The following DGKB variants were observed in gnomAD, a reference collection of about 807,000 sequenced individuals.
DGKB encodes diacylglycerol kinase beta.
In DGKB, 67 loss-of-function variants were observed where a neutral mutation model predicts 114.3. That is an observed-to-expected ratio of 0.59 (90% CI 0.48 to 0.72). DGKB has a LOEUF of 0.72. DGKB is among the 30% of genes least tolerant of loss of function. DGKB has a pLI of 0.00. For synonymous variants in DGKB, 398 were observed against 323.1 expected (o/e 1.23, Z -2.49); for missense variants, 907 against 975.2 (o/e 0.93, Z 0.93).
intron 5 of DGKB, among the ~76,000 whole-genome samples, chr7:14,722,744 G>A (rs958026495): frequency 3.3e-5 from 5 of 151,990 alleles, no homozygotes; most frequent in Non-Finnish European, 5.9e-5. Context: ...CCCAGGAGGT[G>A]GAGGTTGCAG....
rs1196002505 is a variant in DGKB at position 14,148,825 on chromosome 7, G to T, written c.*306C>A. 4.7e-5 allele frequency: 18 copies of T among 381,840 alleles called. No homozygotes were observed. Among genetic ancestry groups the T allele is most frequent in the Non-Finnish European group, 8.1e-5 (17 of 209,802 alleles). 23.7% of individuals were successfully genotyped at this position (381,840 alleles called of 1,614,324 possible). ...CATGTTTCACGGGTTTTTCTCACAG[G>T]TTAGTAAAAGGAAATTGGGGAAGAG... On this transcript the variant is annotated 3_prime_UTR_variant, in exon 26 of 26. Transcript: ENST00000402815.
chr7:14,794,543 G>C (rs895844510), intron 2 of DGKB, among the ~76,000 whole-genome samples: 10 of 152,108 alleles, frequency 6.6e-5, no homozygotes, highest in African/African-American at 2.4e-4. Flanking sequence ...TGAATTCCCA[G>C]CTCAAGTGCT....
chr7:14,810,311 A>G (rs1312694523), intron 2 of DGKB, among the ~76,000 whole-genome samples: 1 of 152,126 alleles, frequency 6.6e-6, no homozygotes, highest in African/African-American at 2.4e-5. Flanking sequence ...CAATTAATCT[A>G]TACCCAGACT....
chr7:14,645,489 G>A (rs1040069771), intron 13 of DGKB, among the ~76,000 whole-genome samples: 1 of 151,982 alleles, frequency 6.6e-6, no homozygotes, highest in African/African-American at 2.4e-5. Context: ...AAGAGCCACT[G>A]GGTGCCCTTT....
intron 4 of DGKB, among the ~76,000 whole-genome samples, chr7:14,747,775 G>GCGCGCGCGCGCGCGCGCACACACACACA: frequency 2.1e-4 from 31 of 149,176 alleles, no homozygotes; most frequent in African/African-American, 7.3e-4. Context: ...ACATCCACGC[G>GCGCGCGCGCGCGCGCGCACACACACACA]CACGCACACA....
In DGKB at chr7:14,572,198, A is replaced by G. The variant is rs188660802; in HGVS notation, c.1770+2014T>C. Among the ~76,000 whole-genome samples the G allele has an allele frequency of 4.8e-3, 733 of 152,122 alleles. 9 individuals carry two copies. Among genetic ancestry groups the G allele is most frequent in the African/African-American group, 0.017 (698 of 41,486 alleles). On this transcript the variant is annotated intron_variant, in intron 20 of 25. Coordinates refer to ENST00000402815, the MANE Select transcript of DGKB (RefSeq NM_001350709.2). The stretch of plus-strand genomic sequence containing the variant: ...GCCGGGCGCGGTAGCTCATGCCTGT[A>G]ATCCCAGCACTTTGGGAGGCCGAGG...
chr7:14,526,155 T>G (rs1181325721), intron 20 of DGKB, among the ~76,000 whole-genome samples: 1 of 152,192 alleles, frequency 6.6e-6, no homozygotes, highest in African/African-American at 2.4e-5. Context: ...TGTGATTAAT[T>G]ATATACTATC....
At chr7:14,770,392 CTCT>C (rs1282643518) in intron 2 of DGKB, among the ~76,000 whole-genome samples, 1 of 152,056 alleles carries the variant, frequency 6.6e-6, no homozygotes, top group East Asian at 1.9e-4. Flanking sequence ...TGTTGGGATT[CTCT>C]GTTATAAAGA....
chr7:14,418,218 T>TAAA (rs1554420806), intron 21 of DGKB, among the ~76,000 whole-genome samples: 6 of 142,458 alleles, frequency 4.2e-5, no homozygotes, highest in African/African-American at 1.5e-4. Context: ...AATGTATATA[T>TAAA]TATATATGTA....
chr7:14,299,551 C>A (rs1490941078), intron 23 of DGKB, among the ~76,000 whole-genome samples: 2 of 152,132 alleles, frequency 1.3e-5, no homozygotes, highest in Non-Finnish European at 2.9e-5. Context: ...TGCAGACCAA[C>A]AAGAACAATA....
chr7:14,456,163 G>C (rs1293424246), intron 21 of DGKB, among the ~76,000 whole-genome samples: 3 of 151,934 alleles, frequency 2.0e-5, no homozygotes, highest in Non-Finnish European at 4.4e-5. Context: ...TGTGTATAAG[G>C]TATATATGAA....
chr7:14,970,105 G>C (rs1457567897), intron 1 of DGKB, among the ~76,000 whole-genome samples: 7 of 152,022 alleles, frequency 4.6e-5, no homozygotes, highest in Admixed American at 4.6e-4. Context: ...ACATGGGTTG[G>C]GCTTAATTAA....
intron 13 of DGKB, among the ~76,000 whole-genome samples, chr7:14,634,798 T>G (rs1810427501): frequency 6.6e-6 from 1 of 151,674 alleles, no homozygotes; most frequent in African/African-American, 2.4e-5. Context: ...TTCCATGTTT[T>G]TTTTATATTT....
chr7:14,319,732 A>T (rs1374139850), intron 23 of DGKB, among the ~76,000 whole-genome samples: 1 of 152,202 alleles, frequency 6.6e-6, no homozygotes, highest in Non-Finnish European at 1.5e-5. Flanking sequence ...TCCTCTAAAG[A>T]GTCAATTCAT....
chr7:14,485,955 A>G (rs1040492364), intron 20 of DGKB, among the ~76,000 whole-genome samples: 4 of 152,246 alleles, frequency 2.6e-5, no homozygotes, highest in African/African-American at 9.6e-5. Flanking sequence ...GCAGGTTCCA[A>G]GTGAATTATT....
At chr7:14,620,854 TGA>T (rs1294663021) in intron 15 of DGKB, among the ~76,000 whole-genome samples, 1 of 151,758 alleles carries the variant, frequency 6.6e-6, no homozygotes, top group African/African-American at 2.4e-5. Context: ...GATATATATT[TGA>T]GGTTTAAATT....
chr7:14,284,812 G>T (rs1270635599), intron 23 of DGKB, among the ~76,000 whole-genome samples: 1 of 145,568 alleles, frequency 6.9e-6, no homozygotes, highest in Non-Finnish European at 1.5e-5. Flanking sequence ...ATTGAACAAT[G>T]AGATTGCATG....
At chr7:14,740,703 T>G (rs138032974) in intron 4 of DGKB, among the ~76,000 whole-genome samples, 1 of 152,168 alleles carries the variant, frequency 6.6e-6, no homozygotes, top group African/African-American at 2.4e-5. Flanking sequence ...CATACTAGTA[T>G]CCATGGCATA....
At chr7:14,846,480 A>C (rs2128148801) in intron 1 of DGKB, among the ~76,000 whole-genome samples, 1 of 152,388 alleles carries the variant, frequency 6.6e-6, no homozygotes, top group African/African-American at 2.4e-5. Flanking sequence ...ACAGAGGCAC[A>C]GCTATATCTC....
Sources: allele counts gnomAD v4.1 joint callset (sites outside exome capture counted in the v4.1 genomes callset), GRCh38; gene constraint gnomAD v4.1.1; transcripts MANE v1.5; gene names NCBI Gene and HGNC (gene_info 2026-07-23, HGNC 2026-07-21).